Variants in TMEM132D observed in about 807,000 individuals in gnomAD.
TMEM132D encodes transmembrane protein 132D.
In TMEM132D, 21 loss-of-function variants were observed where a neutral mutation model predicts 62.3. The observed-to-expected ratio is 0.34, with a 90% CI of 0.24 to 0.49. The LOEUF is 0.49. TMEM132D is among the 20% of genes least tolerant of loss of function. TMEM132D has a pLI of 0.99. For synonymous variants in TMEM132D, 621 were observed against 575.6 expected, an observed-to-expected ratio of 1.08 and a Z score of -1.13; for missense variants, 1,346 against 1,402.8, an observed-to-expected ratio of 0.96 and a Z score of 0.65.
At chr12:129,709,216 C>T (rs142963185) in intron 1 of TMEM132D, among the ~76,000 whole-genome samples, 6 of 152,194 alleles carry the variant, frequency 3.9e-5, no homozygotes, top group African/African-American at 1.4e-4. Context: ...TTTGACAATG[C>T]CTAAAAGAGG....
chr12:129,767,045 C>A (rs1416996450), intron 1 of TMEM132D, among the ~76,000 whole-genome samples: 2 of 152,212 alleles, frequency 1.3e-5, no homozygotes, highest in Non-Finnish European at 2.9e-5. Flanking sequence ...CGTGGAGTAG[C>A]CCTGCTCTGC....
intron 3 of TMEM132D, among the ~76,000 whole-genome samples, chr12:129,382,704 C>A (rs1016630828): frequency 4.6e-5 from 7 of 152,154 alleles, no homozygotes; most frequent in Admixed American, 1.3e-4. Flanking sequence ...ATCTAGAAAG[C>A]TGGGCTCTTT....
intron 3 of TMEM132D, among the ~76,000 whole-genome samples, chr12:129,435,338 A>G (rs1051498759): frequency 1.3e-5 from 2 of 152,184 alleles, no homozygotes; most frequent in African/African-American, 2.4e-5. Context: ...TATACCCAGA[A>G]GTGGAATTTC....
chr12:129,895,971 T>TA (rs1178071182), intron 1 of TMEM132D, among the ~76,000 whole-genome samples: 12 of 149,722 alleles, frequency 8.0e-5, no homozygotes, highest in Non-Finnish European at 1.0e-4. Context: ...CTCTTTTTTT[T>TA]TTTTTTTTTT....
chr12:129,183,615 C>T (rs963162232), intron 5 of TMEM132D, among the ~76,000 whole-genome samples: 10 of 152,338 alleles, frequency 6.6e-5, no homozygotes, highest in South Asian at 6.2e-4. Flanking sequence ...GCATTTGTTG[C>T]GGCTACCTAA....
chr12:129,885,275 T>C (rs1445170268), intron 1 of TMEM132D, among the ~76,000 whole-genome samples: 2 of 152,364 alleles, frequency 1.3e-5, no homozygotes, highest in African/African-American at 2.4e-5. Context: ...ATGCAAATTA[T>C]ACTTCAATTA....
At chr12:129,721,882 T>C (rs1868847597) in intron 1 of TMEM132D, among the ~76,000 whole-genome samples, 1 of 152,232 alleles carries the variant, frequency 6.6e-6, no homozygotes, top group Non-Finnish European at 1.5e-5. Context: ...CCATACCTCC[T>C]ATGCAGAAGG....
intron 6 of TMEM132D, among the ~76,000 whole-genome samples, chr12:129,083,670 A>G (rs1874523366): frequency 6.6e-6 from 1 of 152,144 alleles, no homozygotes; most frequent in Admixed American, 6.5e-5. Flanking sequence ...ATAAGCCCCA[A>G]TTCTCCACCC....
Position 129,384,942 on chromosome 12 carries a change from C to A in TMEM132D, c.1116-47125G>T, listed in dbSNP as rs151286312. On this transcript the variant is annotated intron_variant, in intron 3 of 8. Coordinates refer to ENST00000422113, the MANE Select transcript of TMEM132D (RefSeq NM_133448.3). ...ATTTACTAGATTTGAGCCCATCAGCCCACCTGCAACAGAAATGTGTGTTTA... is the reference window on the plus strand; with the variant it reads ...ATTTACTAGATTTGAGCCCATCAGCACACCTGCAACAGAAATGTGTGTTTA... Among the ~76,000 whole-genome samples, 384 of 152,226 alleles carry A rather than the reference C, an allele frequency of 2.5e-3. 1 individual carries two copies. The highest frequency in any genetic ancestry group is 4.5e-3 in the Non-Finnish European group (309 of 68,024).
intron 3 of TMEM132D, among the ~76,000 whole-genome samples, chr12:129,503,705 A>G (rs1875232061): frequency 6.6e-6 from 1 of 152,204 alleles, no homozygotes; most frequent in Admixed American, 6.5e-5. Context: ...TTTATTAAGG[A>G]TGGAGTTTAA....
chr12:129,427,555 A>C (rs1226177375), intron 3 of TMEM132D, among the ~76,000 whole-genome samples: 1 of 152,162 alleles, frequency 6.6e-6, no homozygotes, highest in Non-Finnish European at 1.5e-5. Context: ...TTAAAGTATA[A>C]TAAAAATAAA....
rs893515526 is a variant in TMEM132D at position 129,573,228 on chromosome 12, G to A, written c.969-42023C>T. The stretch of plus-strand genomic sequence containing the variant: ...ACTACTGTGAGGATGGTTGTGGGCC[G>A]GGCTGGGGATGAGGAATGAGCAGAG... On this transcript the variant is annotated intron_variant, in intron 2 of 8. Coordinates refer to ENST00000422113, the MANE Select transcript of TMEM132D (RefSeq NM_133448.3). Among the ~76,000 whole-genome samples the A allele has an allele frequency of 3.2e-4, 48 of 152,240 alleles. 1 individual carries two copies. The highest frequency in any genetic ancestry group is 1.1e-3 in the African/African-American group (45 of 41,542).
At chr12:129,511,975 T>C (rs1285791978) in intron 3 of TMEM132D, among the ~76,000 whole-genome samples, 3 of 152,222 alleles carry the variant, frequency 2.0e-5, no homozygotes, top group Admixed American at 6.5e-5. Flanking sequence ...ACATTTACAG[T>C]GTGTTTAACT....
At chr12:129,688,236 G>C (rs962503415) in intron 2 of TMEM132D, among the ~76,000 whole-genome samples, 1 of 152,208 alleles carries the variant, frequency 6.6e-6, no homozygotes, top group Non-Finnish European at 1.5e-5. Context: ...AGGAGAGAGA[G>C]AGAGAAGTTT....
At chr12:129,296,947 T>TG (rs1312623905) in intron 4 of TMEM132D, among the ~76,000 whole-genome samples, 2 of 152,208 alleles carry the variant, frequency 1.3e-5, no homozygotes, top group Non-Finnish European at 2.9e-5. Flanking sequence ...ACTCTCCATT[T>TG]GGGGAGGAAT....
At chr12:129,664,250 A>G (rs1323961319) in intron 2 of TMEM132D, among the ~76,000 whole-genome samples, 1 of 152,164 alleles carries the variant, frequency 6.6e-6, no homozygotes, top group Non-Finnish European at 1.5e-5. Flanking sequence ...AGCTCAGGCC[A>G]CTGGCCTCTG....
At chr12:129,814,723 G>C (rs965652492) in intron 1 of TMEM132D, among the ~76,000 whole-genome samples, 7 of 151,604 alleles carry the variant, frequency 4.6e-5, no homozygotes, top group Admixed American at 2.6e-4. Context: ...CCTTTGAGCT[G>C]TCAACCGCTC....
At chr12:129,302,629 G>A (rs1454778859) in intron 4 of TMEM132D, among the ~76,000 whole-genome samples, 1 of 152,218 alleles carries the variant, frequency 6.6e-6, no homozygotes, top group Non-Finnish European at 1.5e-5. Context: ...GCCCATTCCA[G>A]ATGCTTCCTT....
At chr12:129,259,141 T>C (rs1880485362) in intron 4 of TMEM132D, among the ~76,000 whole-genome samples, 1 of 152,110 alleles carries the variant, frequency 6.6e-6, no homozygotes, top group Non-Finnish European at 1.5e-5. Flanking sequence ...ATTTCCTTCA[T>C]GGTTAGGTGG....
Sources: gnomAD v4.1 joint callset for allele counts (sites outside exome capture counted in the v4.1 genomes callset) on GRCh38, gnomAD v4.1.1 for gene constraint, MANE v1.5 for transcripts, NCBI Gene and HGNC (gene_info 2026-07-23, HGNC 2026-07-21) for gene names.